Variants in SLIT2 observed in about 807,000 individuals in gnomAD.
SLIT2 encodes the protein slit homolog 2 protein.
A neutral mutation model predicts 185.7 loss-of-function variants in SLIT2; 41 were observed. The observed-to-expected ratio is 0.22, with a 90% CI of 0.17 to 0.29. The LOEUF (loss-of-function observed/expected upper bound fraction) is 0.29. Ranked by LOEUF, SLIT2 falls within the 10% of genes least tolerant of loss-of-function variation. The pLI is 1.00. For missense variants in SLIT2, 1,571 were observed against 1,909.0 expected, an observed-to-expected ratio of 0.82 and a Z score of 3.30; for synonymous variants, 693 against 680.2, an observed-to-expected ratio of 1.02 and a Z score of -0.29.
chr4:20,550,810 C>T lies in SLIT2; in HGVS notation c.2490-17C>T, dbSNP rs764253273. ...CAGAAATATAGGAAGTTTAATTTTT[C>T]TTTTTCTTTCTTTTAGTTCTCTACA... On this transcript the variant is annotated splice_polypyrimidine_tract_variant and intron_variant, in intron 24 of 36. Transcript: ENST00000504154. The T allele has an allele frequency of 6.4e-7, 1 of 1,555,224 alleles. No individual in the cohort carries two copies. The highest frequency in any genetic ancestry group is 2.3e-5 in the East Asian group (1 of 44,338).
At chr4:20,571,712 A>G (rs1004321425) in intron 29 of SLIT2, among the ~76,000 whole-genome samples, 1 of 152,214 alleles carries the variant, frequency 6.6e-6, no homozygotes, top group Non-Finnish European at 1.5e-5. Context: ...CAGGGAATAT[A>G]ATAGTGTTGT....
At chr4:20,519,575 A>T in intron 12 of SLIT2, 122 bp downstream of exon 12, 1 of 627,110 alleles carries the variant, frequency 1.6e-6, no homozygotes. Context: ...TTAACAAAAT[A>T]GAAAAGAGTA....
intron 31 of SLIT2, 62 bp downstream of exon 31, chr4:20,595,896 A>C (rs1172623032): frequency 7.4e-7 from 1 of 1,343,706 alleles, no homozygotes; most frequent in Non-Finnish European, 1.1e-6. Flanking sequence ...GGGTGACTAT[A>C]GTCAGTAATA....
At chr4:20,472,437 GAT>G (rs1715405031) in intron 5 of SLIT2, among the ~76,000 whole-genome samples, 1 of 38,466 alleles carries the variant, frequency 2.6e-5, no homozygotes, top group African/African-American at 1.1e-4. Flanking sequence ...GATATCTATA[GAT>G]ATATATCTAT....
intron 4 of SLIT2, among the ~76,000 whole-genome samples, chr4:20,297,461 G>A (rs1716591985): frequency 6.6e-6 from 1 of 152,158 alleles, no homozygotes; most frequent in Non-Finnish European, 1.5e-5. Flanking sequence ...TGTTTTGAAT[G>A]AGCTATTCGC....
At chr4:20,593,557 C>G (rs1231661793) in intron 30 of SLIT2, among the ~76,000 whole-genome samples, 1 of 152,060 alleles carries the variant, frequency 6.6e-6, no homozygotes, top group Non-Finnish European at 1.5e-5. Context: ...TCTAATATCA[C>G]AGCATGGTCA....
At chr4:20,278,813 G>A (rs1182456440) in intron 4 of SLIT2, among the ~76,000 whole-genome samples, 4 of 151,296 alleles carry the variant, frequency 2.6e-5, no homozygotes, top group Admixed American at 2.6e-4. Flanking sequence ...AGTGGTGGGG[G>A]GCGGTGGGGG....
At chr4:20,465,545 G>A (rs1407895491) in intron 4 of SLIT2, among the ~76,000 whole-genome samples, 1 of 152,002 alleles carries the variant, frequency 6.6e-6, no homozygotes, top group South Asian at 2.1e-4. Flanking sequence ...TCTACTCAGG[G>A]GACAACCACA....
intron 4 of SLIT2, among the ~76,000 whole-genome samples, chr4:20,368,016 C>G (rs1723250191): frequency 6.6e-6 from 1 of 152,034 alleles, no homozygotes; most frequent in African/African-American, 2.4e-5. Flanking sequence ...CTCACTTTCT[C>G]TCTTTTTTCT....
chr4:20,580,677 A>G (rs1016200412), intron 29 of SLIT2, among the ~76,000 whole-genome samples: 1 of 152,146 alleles, frequency 6.6e-6, no homozygotes, highest in Non-Finnish European at 1.5e-5. Flanking sequence ...CAGAGGAGTA[A>G]GTGATGATTG....
At chr4:20,482,980 G>A (rs1716858001) in intron 6 of SLIT2, among the ~76,000 whole-genome samples, 1 of 151,862 alleles carries the variant, frequency 6.6e-6, no homozygotes, top group Admixed American at 6.6e-5. Flanking sequence ...TATTACAAAT[G>A]TTTGGTCAAG....
At chr4:20,472,250 A>ATATATCTATATATATCTATATATC (rs1225217007) in intron 5 of SLIT2, among the ~76,000 whole-genome samples, 1 of 43,952 alleles carries the variant, frequency 2.3e-5, no homozygotes, top group Non-Finnish European at 4.0e-5. Flanking sequence ...ATATATCTAT[A>ATATATCTATATATATCTATATATC]TATAGATCTA....
chr4:20,417,110 AT>A (rs1727746052), intron 4 of SLIT2, among the ~76,000 whole-genome samples: 1 of 152,012 alleles, frequency 6.6e-6, no homozygotes, highest in Non-Finnish European at 1.5e-5. Flanking sequence ...CTCATCCTTC[AT>A]TACCTTGTCT....
At chr4:20,256,772 A>AT in intron 2 of SLIT2, 29 bp downstream of exon 2, 1 of 1,163,672 alleles carries the variant, frequency 8.6e-7, no homozygotes, top group Non-Finnish European at 1.2e-6. Context: ...TTTTTAAATA[A>AT]TTTTTTAAGG....
intron 4 of SLIT2, among the ~76,000 whole-genome samples, chr4:20,306,479 T>C (rs1025628869): frequency 1.3e-5 from 2 of 152,150 alleles, no homozygotes; most frequent in Non-Finnish European, 1.5e-5. Context: ...TCTTCTTTTG[T>C]ATAATTTGGC....
At position 20,470,186 on chromosome 4, in the gene SLIT2, A is replaced by T. The variant is rs534008252; in HGVS notation, c.467+2363A>T. Among the ~76,000 whole-genome samples the T allele has an allele frequency of 3.9e-5, 6 of 152,300 alleles. No homozygotes were observed. The South Asian group carries it at 1.2e-3, about 32-fold the overall frequency. On this transcript the variant is annotated intron_variant, in intron 5 of 36. Transcript: ENST00000504154. ...ACAGTATTTCATTTGCAAGTATTTG[A>T]CTAATCAAATGCTAAAAGTTAACCC... is the stretch of plus-strand genomic sequence containing the variant.
At chr4:20,387,416 TGAAAA>T (rs138130164) in intron 4 of SLIT2, among the ~76,000 whole-genome samples, 10,080 of 151,858 alleles carry the variant, frequency 0.066, 322 homozygotes, top group Admixed American at 0.086. Flanking sequence ...AAAAAAACAG[TGAAAA>T]GAATAGTATT....
rs1157331764 is a variant in SLIT2 at position 20,553,928 on chromosome 4, A to G, written c.2685A>G (p.Lys895=). The change falls in exon 26 of 37, where the codon AAA becomes AAG. Residue 895 remains lysine (K), a synonymous_variant. Transcript: ENST00000504154. ...RCAGPGEMAD[K]LLLTTPSKKF... ...CTGGTCCTGGAGAAATGGCAGATAA[A>G]CTTTTACTCACAACTCCCTCCAAAA... The G allele has an allele frequency of 1.9e-6, 3 of 1,608,810 alleles. No homozygotes were observed. Among genetic ancestry groups the G allele is most frequent in the Admixed American group, 3.4e-5 (2 of 58,570 alleles).
intron 4 of SLIT2, among the ~76,000 whole-genome samples, chr4:20,358,768 GA>G (rs1003510534): frequency 2.0e-4 from 31 of 152,002 alleles, no homozygotes; most frequent in African/African-American, 7.0e-4. Flanking sequence ...TAATTAATGT[GA>G]AAAAAAGACA....
Sources: allele counts gnomAD v4.1 joint callset (sites outside exome capture counted in the v4.1 genomes callset), GRCh38; gene constraint gnomAD v4.1.1; transcripts MANE v1.5; gene names NCBI Gene and HGNC (gene_info 2026-07-23, HGNC 2026-07-21).